The following ST6GALNAC3 variants were observed in gnomAD, a reference collection of about 807,000 sequenced individuals.
The protein encoded by ST6GALNAC3 is ST6 N-acetylgalactosaminide alpha-2,6-sialyltransferase 3, also known as alpha-N-acetylgalactosaminide alpha-2,6-sialyltransferase 3.
A neutral mutation model predicts 32.7 loss-of-function variants in ST6GALNAC3; 25 were observed. The observed-to-expected ratio is 0.76, with a 90% confidence interval of 0.56 to 1.07. The LOEUF (loss-of-function observed/expected upper bound fraction) is 1.07, where lower values mean the gene tolerates loss of function less well. Among genes scored for constraint, ST6GALNAC3 ranks in the 50% least tolerant of loss-of-function variants. The pLI, the probability that ST6GALNAC3 is intolerant of heterozygous loss-of-function variation, is 0.00. For missense variants in ST6GALNAC3, 355 were observed against 382.4 expected (o/e 0.93, Z 0.60); for synonymous variants, 129 against 133.1 (o/e 0.97, Z 0.21).
At chr1:76,283,023 C>T (rs886702865) in intron 1 of ST6GALNAC3, among the ~76,000 whole-genome samples, 1 of 151,308 alleles carries the variant, frequency 6.6e-6, no homozygotes, top group Non-Finnish European at 1.5e-5. Flanking sequence ...CCAGCCTGGG[C>T]GACAGAGCTA....
At chr1:76,277,215 T>C (rs1047629839) in intron 1 of ST6GALNAC3, among the ~76,000 whole-genome samples, 2 of 152,126 alleles carry the variant, frequency 1.3e-5, no homozygotes, top group African/African-American at 4.8e-5. Context: ...TTTAAAATTA[T>C]TTTCTACTCC....
chr1:76,352,848 A>G (rs771199306), intron 2 of ST6GALNAC3, among the ~76,000 whole-genome samples: 1 of 152,116 alleles, frequency 6.6e-6, no homozygotes, highest in Non-Finnish European at 1.5e-5. Context: ...AAAACCTAAG[A>G]TGCATTCTAG....
chr1:76,142,041 T>C (rs1650359178), intron 1 of ST6GALNAC3, among the ~76,000 whole-genome samples: 1 of 152,110 alleles, frequency 6.6e-6, no homozygotes. Context: ...GAGGATTCTT[T>C]AGAGAGGAGG....
chr1:76,242,598 C>T (rs573851565), intron 1 of ST6GALNAC3, among the ~76,000 whole-genome samples: 2 of 152,124 alleles, frequency 1.3e-5, no homozygotes, highest in African/African-American at 2.4e-5. Flanking sequence ...AATGCTCTCC[C>T]TCCCCTTTCC....
chr1:76,133,310 T>C (rs761998296), intron 1 of ST6GALNAC3, among the ~76,000 whole-genome samples: 4 of 152,232 alleles, frequency 2.6e-5, no homozygotes, highest in Non-Finnish European at 4.4e-5. Flanking sequence ...ATGGATCTCA[T>C]CTGCCTGTGG....
At chr1:76,421,150 C>T (rs1013203198) in intron 3 of ST6GALNAC3, among the ~76,000 whole-genome samples, 1 of 151,960 alleles carries the variant, frequency 6.6e-6, no homozygotes, top group Non-Finnish European at 1.5e-5. Flanking sequence ...TTAAAAGTCC[C>T]TTTGCCATTG....
chr1:76,366,077 G>C (rs888476032), intron 2 of ST6GALNAC3, among the ~76,000 whole-genome samples: 1 of 152,046 alleles, frequency 6.6e-6, no homozygotes, highest in Admixed American at 6.5e-5. Context: ...TTTTTTTAAA[G>C]ACTGAGTTCT....
rs565371519 is a variant in ST6GALNAC3, at chr1:76,159,699, A to G, written c.18+84815A>G. Among the ~76,000 whole-genome samples the G allele has an allele frequency of 4.9e-4, 75 of 152,366 alleles. No homozygotes were observed. In the South Asian group the frequency reaches 5.4e-3, roughly 11 times the overall value. ...TTAAAAGCTTGTAATATGTTGGAGA[A>G]ACCAGACATGAAAACAACTAAGTAT... On this transcript the variant is annotated intron_variant, in intron 1 of 4. Coordinates refer to ENST00000328299, the MANE Select transcript of ST6GALNAC3 (RefSeq NM_152996.4).
At chr1:76,270,492 A>C (rs1658777858) in intron 1 of ST6GALNAC3, among the ~76,000 whole-genome samples, 1 of 125,100 alleles carries the variant, frequency 8.0e-6, no homozygotes, top group Non-Finnish European at 1.6e-5. Flanking sequence ...AGGTGACAAG[A>C]GTGAAACTCT....
At chr1:76,341,037 CT>C (rs1205200751) in intron 2 of ST6GALNAC3, among the ~76,000 whole-genome samples, 1 of 151,238 alleles carries the variant, frequency 6.6e-6, no homozygotes, top group Non-Finnish European at 1.5e-5. Flanking sequence ...TTTCTGCTTG[CT>C]TTTAAAAAAC....
chr1:76,490,773 C>A (rs1015278631), intron 3 of ST6GALNAC3, among the ~76,000 whole-genome samples: 1 of 152,000 alleles, frequency 6.6e-6, no homozygotes, highest in Non-Finnish European at 1.5e-5. Flanking sequence ...CATCTTCATT[C>A]AAAGTTACAC....
At chr1:76,283,686 A>G (rs1239128905) in intron 1 of ST6GALNAC3, among the ~76,000 whole-genome samples, 1 of 152,232 alleles carries the variant, frequency 6.6e-6, no homozygotes, top group African/African-American at 2.4e-5. Context: ...TTTTCTATGC[A>G]ACAATGCTCT....
rs72674441 is a variant in ST6GALNAC3, at chr1:76,127,604, A to G, written c.18+52720A>G. Among the ~76,000 whole-genome samples the G allele has an allele frequency of 2.5e-3, 378 of 152,334 alleles. 1 individual carries two copies. The highest frequency in any genetic ancestry group is 0.01 in the Middle Eastern group (3 of 294). On this transcript the variant is annotated intron_variant, in intron 1 of 4. Transcript: ENST00000328299. Reference sequence around the variant, plus strand: ...CTGTGTTAAATATTTTACATGGATTATGTCATGGATCTCTTGCCATGATCC... The same window carrying G: ...CTGTGTTAAATATTTTACATGGATTGTGTCATGGATCTCTTGCCATGATCC...
intron 1 of ST6GALNAC3, among the ~76,000 whole-genome samples, chr1:76,171,731 T>C (rs1570297949): frequency 6.9e-6 from 1 of 145,586 alleles, no homozygotes; most frequent in Non-Finnish European, 1.5e-5. Flanking sequence ...CTACCAAGAC[T>C]AAACCAGGAA....
At chr1:76,541,549 C>G (rs962518537) in intron 3 of ST6GALNAC3, among the ~76,000 whole-genome samples, 1 of 152,216 alleles carries the variant, frequency 6.6e-6, no homozygotes, top group Non-Finnish European at 1.5e-5. Flanking sequence ...AGTCATGCAG[C>G]TAACTGCACC....
rs1031066559 is a variant in ST6GALNAC3 at position 76,176,461 on chromosome 1, G to A, written c.18+101577G>A. On this transcript the variant is annotated intron_variant, in intron 1 of 4. Coordinates refer to ENST00000328299, the MANE Select transcript of ST6GALNAC3 (RefSeq NM_152996.4). ...GGGTAGTCATTTCCTAGATGCTTGT[G>A]AAAACAATTCTAATCCTAATTGATG... Among the ~76,000 whole-genome samples the A allele has an allele frequency of 2.0e-5, 3 of 152,172 alleles. No individual in the cohort carries two copies. The East Asian group carries it at 5.8e-4, about 29-fold the overall frequency.
At chr1:76,355,957 AT>A (rs949103815) in intron 2 of ST6GALNAC3, among the ~76,000 whole-genome samples, 1 of 151,322 alleles carries the variant, frequency 6.6e-6, no homozygotes, top group Admixed American at 6.6e-5. Flanking sequence ...AAGTTTCTCC[AT>A]TTTTTTTCAA....
Position 76,630,917 on chromosome 1 carries a change from C to G in ST6GALNAC3, c.*2111C>G, listed in dbSNP as rs1438679633. 8 of 985,354 alleles carry G rather than the reference C, an allele frequency of 8.1e-6. No individual in the cohort carries two copies. Among genetic ancestry groups the G allele is most frequent in the Non-Finnish European group, 9.6e-6 (8 of 829,736 alleles). The allele number at this position is 985,354 out of a possible 1,614,324, so 61.0% of individuals were successfully genotyped here. A position where few individuals can be genotyped will look rare whatever the true frequency, so the allele number is the denominator to read the frequency against. On this transcript the variant is annotated 3_prime_UTR_variant, in exon 5 of 5. Coordinates refer to ENST00000328299, the MANE Select transcript of ST6GALNAC3 (RefSeq NM_152996.4). ...GACTGTTTTTCCCCCTGTTGTTTCACTTTAAAATAAAAAGAAATCCTTGAT... is the reference window on the plus strand; with the variant it reads ...GACTGTTTTTCCCCCTGTTGTTTCAGTTTAAAATAAAAAGAAATCCTTGAT...
At chr1:76,086,877 T>C (rs1275588283) in intron 1 of ST6GALNAC3, among the ~76,000 whole-genome samples, 3 of 152,216 alleles carry the variant, frequency 2.0e-5, no homozygotes, top group African/African-American at 7.2e-5. Flanking sequence ...GTGTTTGTTC[T>C]TTTATTGCTG....
Sources: allele counts gnomAD v4.1 joint callset (sites outside exome capture counted in the v4.1 genomes callset), GRCh38; gene constraint gnomAD v4.1.1; transcripts MANE v1.5; gene names NCBI Gene and HGNC (gene_info 2026-07-23, HGNC 2026-07-21).